Variants in GAS7 observed in about 807,000 individuals in gnomAD.
The protein encoded by GAS7 is growth arrest-specific protein 7.
In GAS7, 28 loss-of-function variants were observed where a neutral mutation model predicts 71.1. That is an observed-to-expected ratio of 0.39 (90% CI 0.29 to 0.54). The LOEUF is 0.54. Ranked by LOEUF, GAS7 falls within the 20% of genes least tolerant of loss-of-function variation. The probability of loss-of-function intolerance (pLI) is 0.62; values close to 1 mark genes in which losing one functional copy is unlikely to be tolerated. For missense variants in GAS7, 436 were observed against 627.8 expected (o/e 0.69, Z 3.27); for synonymous variants, 258 against 245.8 (o/e 1.05, Z -0.46).
intron 5 of GAS7, among the ~76,000 whole-genome samples, chr17:9,951,780 A>AAAAAAAAAAAAAC (rs1567814280): frequency 1.4e-5 from 2 of 141,940 alleles, no homozygotes; most frequent in Admixed American, 6.9e-5. Flanking sequence ...AAAAAAAAAA[A>AAAAAAAAAAAAAC]AAAAAACAAG....
At chr17:10,018,325 T>C (rs1223791184) in intron 2 of GAS7, among the ~76,000 whole-genome samples, 4 of 152,058 alleles carry the variant, frequency 2.6e-5, no homozygotes, top group Admixed American at 2.6e-4. Context: ...TGCAATAGAG[T>C]AGCTTATTTG....
chr17:9,965,121 A>G (rs1252330844), intron 4 of GAS7, among the ~76,000 whole-genome samples: 1 of 152,198 alleles, frequency 6.6e-6, no homozygotes, highest in Non-Finnish European at 1.5e-5. Context: ...CAAGACTATT[A>G]GCCTTTGATC....
intron 1 of GAS7, among the ~76,000 whole-genome samples, chr17:10,108,331 G>GT (rs1465366610): frequency 2.0e-5 from 3 of 152,206 alleles, no homozygotes; most frequent in African/African-American, 7.2e-5. Context: ...TTTCTCATAG[G>GT]TAAGGAATGA....
At chr17:10,126,185 G>A (rs1361056319) in intron 1 of GAS7, among the ~76,000 whole-genome samples, 3 of 152,178 alleles carry the variant, frequency 2.0e-5, no homozygotes, top group African/African-American at 4.8e-5. Context: ...TGGGGGAGTC[G>A]CTTCTCAGAC....
chr17:10,059,053 G>A (rs1222951766), intron 1 of GAS7, among the ~76,000 whole-genome samples: 1 of 152,196 alleles, frequency 6.6e-6, no homozygotes, highest in Non-Finnish European at 1.5e-5. Flanking sequence ...CACGCTGCCT[G>A]GTCCCATGAC....
chr17:10,040,536 G>C (rs2152227652), intron 1 of GAS7, among the ~76,000 whole-genome samples: 2 of 152,258 alleles, frequency 1.3e-5, no homozygotes, highest in Admixed American at 1.3e-4. Flanking sequence ...AAATGTGAGG[G>C]AGAAACTAGA....
intron 1 of GAS7, among the ~76,000 whole-genome samples, chr17:10,138,183 T>G (rs2142094160): frequency 6.6e-6 from 1 of 151,760 alleles, no homozygotes; most frequent in African/African-American, 2.4e-5. Context: ...GCCAGGATGG[T>G]CTCGATCTCC....
intron 1 of GAS7, among the ~76,000 whole-genome samples, chr17:10,132,045 T>C (rs2074001347): frequency 6.8e-6 from 1 of 147,078 alleles, no homozygotes. Context: ...ATACATGTAC[T>C]GACAAATGTA....
At chr17:10,082,215 T>G (rs931660285) in intron 1 of GAS7, among the ~76,000 whole-genome samples, 2 of 152,138 alleles carry the variant, frequency 1.3e-5, no homozygotes, top group African/African-American at 4.8e-5. Flanking sequence ...TTAATAAAGA[T>G]TTTAAACATG....
chr17:9,986,415 C>T (rs1262163087), intron 2 of GAS7, among the ~76,000 whole-genome samples: 3 of 152,152 alleles, frequency 2.0e-5, no homozygotes, highest in Non-Finnish European at 4.4e-5. Flanking sequence ...CACTGTTTGC[C>T]TACTACCTGC....
At chr17:10,159,052 A>G (rs1199837965) in intron 1 of GAS7, among the ~76,000 whole-genome samples, 1 of 9,586 alleles carries the variant, frequency 1.0e-4, no homozygotes, top group Non-Finnish European at 2.1e-4. Context: ...AGAGTGAGAC[A>G]CTGTCTCTAA....
chr17:9,925,383 A>G, intron 11 of GAS7, 93 bp downstream of exon 11: 1 of 1,295,646 alleles, frequency 7.7e-7, no homozygotes. Flanking sequence ...CTTGCAAAGG[A>G]GAGATGCACC....
chr17:10,030,549 T>A (rs1449260863), intron 1 of GAS7, among the ~76,000 whole-genome samples: 3 of 152,220 alleles, frequency 2.0e-5, no homozygotes. Flanking sequence ...AGGGTCGCCT[T>A]CCTTTCTCCC....
rs922447913 is a variant in GAS7, at chr17:10,103,767, A to G, written c.184-83870T>C. Among the ~76,000 whole-genome samples the G allele has an allele frequency of 1.3e-5, 2 of 151,560 alleles. No individual in the cohort carries two copies. Among genetic ancestry groups the G allele is most frequent in the African/African-American group, 2.4e-5 (1 of 41,260 alleles). On this transcript the variant is annotated intron_variant, in intron 1 of 13. Coordinates refer to ENST00000432992, the MANE Select transcript of GAS7 (RefSeq NM_201433.2). The surrounding 1 kb of genome is among the most constrained non-coding windows in gnomAD (Gnocchi z 5.5). Reference sequence around the variant, plus strand: ...CTTGAACCTGGGAGGCAGAGGTTGCAGTGAGCCAAGATCTCACCATTGCAC... The same window carrying G: ...CTTGAACCTGGGAGGCAGAGGTTGCGGTGAGCCAAGATCTCACCATTGCAC...
intron 2 of GAS7, among the ~76,000 whole-genome samples, chr17:9,987,667 G>C (rs1448319763): frequency 6.6e-6 from 1 of 152,272 alleles, no homozygotes; most frequent in Non-Finnish European, 1.5e-5. Flanking sequence ...TAAAGTGAGA[G>C]ACCAGTTGAA....
At chr17:10,097,364 G>A (rs1347739320) in intron 1 of GAS7, among the ~76,000 whole-genome samples, 2 of 152,226 alleles carry the variant, frequency 1.3e-5, no homozygotes, top group Admixed American at 6.5e-5. Flanking sequence ...GCAGAAGAGA[G>A]ACTCCCCGGA....
chr17:10,128,316 T>C (rs2073967294), intron 1 of GAS7, among the ~76,000 whole-genome samples: 1 of 152,228 alleles, frequency 6.6e-6, no homozygotes, highest in Non-Finnish European at 1.5e-5. Context: ...CAGACGACTG[T>C]TCCCTCTGCC....
rs115392386 is a variant in GAS7 at position 9,920,520 on chromosome 17, C to A, written c.1139-815G>T. 5.7e-3 allele frequency among the ~76,000 whole-genome samples: 863 copies of A among 152,350 alleles called. 5 individuals carry two copies. The highest frequency in any genetic ancestry group is 0.02 in the African/African-American group (837 of 41,566). On this transcript the variant is annotated intron_variant, in intron 11 of 13. Coordinates refer to ENST00000432992, the MANE Select transcript of GAS7 (RefSeq NM_201433.2). ...CAAACATTACTAAGCGTACCAGCAC[C>A]TTGGAACCTTGCTACACAAATCACA...
At chr17:10,165,901 G>C (rs1183584094) in intron 1 of GAS7, among the ~76,000 whole-genome samples, 1 of 152,092 alleles carries the variant, frequency 6.6e-6, no homozygotes, top group Non-Finnish European at 1.5e-5. Context: ...CCAGGCCTCA[G>C]GATGCCTCCC....
Sources: allele counts gnomAD v4.1 joint callset (sites outside exome capture counted in the v4.1 genomes callset), GRCh38; gene constraint gnomAD v4.1.1; non-coding constraint Gnocchi (gnomAD v3.1); transcripts MANE v1.5; gene names NCBI Gene and HGNC (gene_info 2026-07-23, HGNC 2026-07-21).